The following CDKAL1 variants were observed in gnomAD, a reference collection of about 807,000 sequenced individuals.
The protein encoded by CDKAL1 is CDKAL1 threonylcarbamoyladenosine tRNA methylthiotransferase, also known as threonylcarbamoyladenosine tRNA methylthiotransferase.
A neutral mutation model predicts 68.2 loss-of-function variants in CDKAL1; 32 were observed. The observed-to-expected ratio is 0.47, with a 90% CI of 0.35 to 0.63. CDKAL1 has a LOEUF of 0.63. Ranked by LOEUF, CDKAL1 falls within the 30% of genes least tolerant of loss-of-function variation. CDKAL1 has a pLI of 0.00. For missense variants in CDKAL1, 606 were observed against 696.7 expected (o/e 0.87, Z 1.47); for synonymous variants, 234 against 244.3 (o/e 0.96, Z 0.39).
intron 8 of CDKAL1, among the ~76,000 whole-genome samples, chr6:20,833,916 C>T (rs545380118): frequency 6.6e-6 from 1 of 152,246 alleles, no homozygotes; most frequent in South Asian, 2.1e-4. Context: ...GTCCGGAGAC[C>T]AGAAGCAATA....
chr6:20,655,424 T>A (rs1768979849), intron 5 of CDKAL1, among the ~76,000 whole-genome samples: 1 of 152,164 alleles, frequency 6.6e-6, no homozygotes, highest in South Asian at 2.1e-4. Context: ...ATTCTTTACA[T>A]CAGGGGTCTC....
At chr6:20,557,957 A>T (rs1280005738) in intron 4 of CDKAL1, among the ~76,000 whole-genome samples, 1 of 152,098 alleles carries the variant, frequency 6.6e-6, no homozygotes, top group Admixed American at 6.5e-5. Flanking sequence ...AAACACATCA[A>T]ACAAACAAAC....
At chr6:20,941,546 A>G (rs1763972983) in intron 9 of CDKAL1, among the ~76,000 whole-genome samples, 1 of 152,196 alleles carries the variant, frequency 6.6e-6, no homozygotes, top group Non-Finnish European at 1.5e-5. Context: ...ATTTTAAAAA[A>G]TTGTCTGTGT....
In CDKAL1 at chr6:20,756,835, C is replaced by CCTTCCTTT. The variant is rs1554115724; in HGVS notation, c.469-1757_469-1756insCCTTTCTT. On this transcript the variant is annotated intron_variant, in intron 6 of 15. Coordinates refer to ENST00000274695, the MANE Select transcript of CDKAL1 (RefSeq NM_017774.3). Reference sequence around the variant, plus strand: ...TCCTTCCTTCCTTCCTTCCTTCCTTCCTTTCTTCCTTCCTTCTCCCCTTCC... The same window carrying CCTTCCTTT: ...TCCTTCCTTCCTTCCTTCCTTCCTTCCTTCCTTTCTTTCTTCCTTCCTTCTCCCCTTCC... 481 of 127,124 alleles carry CCTTCCTTT rather than the reference C, an allele frequency of 3.8e-3. 10 individuals carry two copies. Among genetic ancestry groups the CCTTCCTTT allele is most frequent in the Non-Finnish European group, 5.8e-3 (339 of 58,496 alleles). The allele number at this position is 127,124 out of a possible 1,614,324, so 7.9% of individuals were successfully genotyped here. A position where few individuals can be genotyped will look rare whatever the true frequency, so the allele number is the denominator to read the frequency against.
At chr6:20,734,120 AC>A (rs70990060) in intron 5 of CDKAL1, among the ~76,000 whole-genome samples, 27,934 of 150,064 alleles carry the variant, frequency 0.19, 3,082 homozygotes, top group East Asian at 0.34. Context: ...CTGCACTCCA[AC>A]CTGGGCATCA....
rs1373452743 is a variant in CDKAL1 at position 20,781,176 on chromosome 6, G to T, written c.549G>T (p.Lys183Asn). The T allele has an allele frequency of 6.2e-7, 1 of 1,613,948 alleles. No homozygotes were observed. Among genetic ancestry groups the T allele is most frequent in the Non-Finnish European group, 8.5e-7 (1 of 1,179,938 alleles). ...GHSVRLLGQK[K>N]DNGRRLGGAR... ...CTGTGAGACTGCTGGGTCAGAAAAA[G>T]GATAATGGAAGGCGGCTTGGGGGAG... is the stretch of plus-strand genomic sequence containing the variant. The change falls in exon 8 of 16, where the codon AAG (lysine) becomes AAT (asparagine). Residue 183 changes from lysine to asparagine, a missense_variant. By Grantham distance (94) the Lys-to-Asn change is moderately conservative. Transcript: ENST00000274695.
At chr6:20,887,775 T>C (rs116211852) in intron 9 of CDKAL1, among the ~76,000 whole-genome samples, 2,261 of 150,402 alleles carry the variant, frequency 0.015, 35 homozygotes, top group South Asian at 0.05. Context: ...CTTTCCTTTT[T>C]TTCTTTTTTT....
intron 15 of CDKAL1, among the ~76,000 whole-genome samples, chr6:21,203,327 C>A (rs893722821): frequency 1.3e-5 from 2 of 149,488 alleles, no homozygotes; most frequent in Non-Finnish European, 3.0e-5. Context: ...GCCTCCACCC[C>A]CCAAGTTCAA....
At chr6:20,568,410 T>C (rs535676078) in intron 4 of CDKAL1, among the ~76,000 whole-genome samples, 2 of 152,148 alleles carry the variant, frequency 1.3e-5, no homozygotes, top group South Asian at 4.2e-4. Context: ...ACATGCATTG[T>C]CTTACTTTGT....
chr6:21,152,369 A>G (rs1776450557), intron 13 of CDKAL1, among the ~76,000 whole-genome samples: 1 of 152,222 alleles, frequency 6.6e-6, no homozygotes, highest in Non-Finnish European at 1.5e-5. Context: ...TTAATTTGCT[A>G]AACATGAATT....
At chr6:20,695,181 T>C (rs1562032197) in intron 5 of CDKAL1, among the ~76,000 whole-genome samples, 1 of 152,204 alleles carries the variant, frequency 6.6e-6, no homozygotes, top group Non-Finnish European at 1.5e-5. Flanking sequence ...AGACTGTGTT[T>C]TTCTGGGAAA....
chr6:20,870,003 A>G (rs1760120778), intron 9 of CDKAL1, among the ~76,000 whole-genome samples: 1 of 152,212 alleles, frequency 6.6e-6, no homozygotes, highest in Non-Finnish European at 1.5e-5. Flanking sequence ...TGAGTGCTTG[A>G]ACACCTTTCT....
intron 13 of CDKAL1, among the ~76,000 whole-genome samples, chr6:21,123,411 G>A (rs1036767867): frequency 6.6e-6 from 1 of 152,110 alleles, no homozygotes. Context: ...AGCCAAGAAC[G>A]CAGCACTGCA....
intron 5 of CDKAL1, among the ~76,000 whole-genome samples, chr6:20,725,577 G>T (rs185826876): frequency 2.5e-4 from 38 of 152,288 alleles, no homozygotes; most frequent in Admixed American, 2.0e-3. Context: ...CTGAGGTCAG[G>T]AGTTCAAGAC....
chr6:21,191,986 ATTTTTCT>A (rs1562104781), intron 13 of CDKAL1, among the ~76,000 whole-genome samples: 2 of 23,332 alleles, frequency 8.6e-5, no homozygotes, highest in African/African-American at 3.3e-4. Context: ...TTTATAATTC[ATTTTTCT>A]TTTTTTTTTT....
intron 8 of CDKAL1, among the ~76,000 whole-genome samples, chr6:20,803,189 G>A (rs1776437079): frequency 6.6e-6 from 1 of 152,182 alleles, no homozygotes; most frequent in South Asian, 2.1e-4. Flanking sequence ...CAAGGTAGAG[G>A]AACAGTGTTA....
chr6:21,224,715 T>C (rs1053639354), intron 15 of CDKAL1, among the ~76,000 whole-genome samples: 1 of 152,128 alleles, frequency 6.6e-6, no homozygotes, highest in Non-Finnish European at 1.5e-5. Context: ...ACCTCCAGAA[T>C]TGAAAGAGAA....
intron 15 of CDKAL1, among the ~76,000 whole-genome samples, chr6:21,203,751 G>T (rs748060661): frequency 9.7e-5 from 14 of 143,990 alleles, no homozygotes; most frequent in Non-Finnish European, 1.8e-4. Flanking sequence ...GCCCAGGCTG[G>T]AGTGCAATAG....
chr6:21,199,251 C>T (rs1192655408), intron 14 of CDKAL1, among the ~76,000 whole-genome samples: 1 of 152,184 alleles, frequency 6.6e-6, no homozygotes, highest in East Asian at 1.9e-4. Context: ...CCAGCATTGA[C>T]ATTCCCCAGG....
Sources: allele counts gnomAD v4.1 joint callset (sites outside exome capture counted in the v4.1 genomes callset), GRCh38; gene constraint gnomAD v4.1.1; transcripts MANE v1.5; gene names NCBI Gene and HGNC (gene_info 2026-07-23, HGNC 2026-07-21).